The following NDRG2 variants were observed in gnomAD, a reference collection of about 807,000 sequenced individuals.
NDRG2 encodes protein NDRG2.
In NDRG2, 34 loss-of-function variants were observed where a neutral mutation model predicts 58.2. That is an observed-to-expected ratio of 0.58 (90% CI 0.44 to 0.78). NDRG2 has a LOEUF of 0.78. Ranked by LOEUF, NDRG2 falls within the 30% of genes least tolerant of loss-of-function variation. The probability of loss-of-function intolerance (pLI) is 0.00; values close to 1 mark genes in which losing one functional copy is unlikely to be tolerated. For synonymous variants in NDRG2, 187 were observed against 175.9 expected (o/e 1.06, Z -0.50); for missense variants, 434 against 471.2 (o/e 0.92, Z 0.73).
At chr14:21,058,072 C>T (rs1885761637) in intron 1 of NDRG2, 1 of 1,614,160 alleles carries the variant, frequency 6.2e-7, no homozygotes, top group African/African-American at 1.3e-5. Flanking sequence ...TCAATAAGTA[C>T]ACAGAACGGT....
chr14:21,064,130 T>C (rs2139165655), intron 1 of NDRG2, among the ~76,000 whole-genome samples: 1 of 152,302 alleles, frequency 6.6e-6, no homozygotes, highest in South Asian at 2.1e-4. Flanking sequence ...TTTGACCCAA[T>C]AATTCCATTT....
chr14:21,041,920 A>G (rs543243191), intron 1 of NDRG2, among the ~76,000 whole-genome samples: 193 of 152,288 alleles, frequency 1.3e-3, no homozygotes, highest in Middle Eastern at 6.8e-3. Flanking sequence ...GTATCTCCAG[A>G]TGACAAGGAA....
intron 1 of NDRG2, chr14:21,034,387 A>G (rs1884476102): frequency 2.4e-6 from 2 of 833,378 alleles, no homozygotes; most frequent in South Asian, 3.4e-5. Context: ...ACCCAACAGT[A>G]CTTTAGAGAT....
intron 1 of NDRG2, among the ~76,000 whole-genome samples, chr14:21,040,723 T>C (rs1884850140): frequency 6.6e-6 from 1 of 152,214 alleles, no homozygotes; most frequent in Non-Finnish European, 1.5e-5. Flanking sequence ...TCTGGGGCTT[T>C]TGCAGTGCTA....
intron 1 of NDRG2, among the ~76,000 whole-genome samples, chr14:21,047,263 T>C (rs1885223308): frequency 6.6e-6 from 1 of 152,190 alleles, no homozygotes; most frequent in Non-Finnish European, 1.5e-5. Flanking sequence ...TTCAATATAA[T>C]AATTTTTTTT....
chr14:21,043,709 C>T, intron 1 of NDRG2: 1 of 477,790 alleles, frequency 2.1e-6, no homozygotes, highest in Non-Finnish European at 3.8e-6. Flanking sequence ...CTGTGGGTTC[C>T]CTGGTCTATG....
chr14:21,060,005 T>TGCACCTGTGTGCACAACAC, intron 1 of NDRG2, among the ~76,000 whole-genome samples: 1 of 152,154 alleles, frequency 6.6e-6, no homozygotes, highest in Non-Finnish European at 1.5e-5. Context: ...AGTCACAACG[T>TGCACCTGTGTGCACAACAC]GCACCTGTGT....
intron 1 of NDRG2, chr14:21,032,846 T>C (rs1019424735): frequency 4.7e-6 from 2 of 423,036 alleles, no homozygotes; most frequent in African/African-American, 2.1e-5. Context: ...TATTTTGAAT[T>C]GATTATGGGT....
intron 1 of NDRG2, among the ~76,000 whole-genome samples, chr14:21,048,089 C>T (rs1885283385): frequency 6.6e-6 from 1 of 152,030 alleles, no homozygotes; most frequent in Non-Finnish European, 1.5e-5. Context: ...CTTCTCTTCT[C>T]CTTGGGAGAG....
chr14:21,021,590 T>C (rs948649187), intron 6 of NDRG2: 57 of 566,262 alleles, frequency 1.0e-4, no homozygotes, highest in Non-Finnish European at 1.4e-4. Context: ...GGGCCAAGCA[T>C]AGACCCTTTT....
intron 1 of NDRG2, among the ~76,000 whole-genome samples, chr14:21,049,173 T>C (rs1885349519): frequency 6.6e-6 from 1 of 152,218 alleles, no homozygotes; most frequent in African/African-American, 2.4e-5. Flanking sequence ...GACAGGGCTC[T>C]AGTGACATTT....
Position 21,016,840 on chromosome 14 carries a change from C to T in NDRG2, c.*756G>A. Reference sequence around the variant, plus strand: ...GACGGGAGGGCACCCTCCACACATACTACAGTGTGGTCAGAGCCCCAGGGT... The same window carrying T: ...GACGGGAGGGCACCCTCCACACATATTACAGTGTGGTCAGAGCCCCAGGGT... On this transcript the variant is annotated 3_prime_UTR_variant, in exon 16 of 16. Coordinates refer to ENST00000556147, the MANE Select transcript of NDRG2 (RefSeq NM_001320329.2). The T allele has an allele frequency of 2.2e-6, 1 of 456,414 alleles. No individual in the cohort carries two copies. The highest frequency in any genetic ancestry group is 4.4e-6 in the Non-Finnish European group (1 of 226,758). 28.3% of individuals were successfully genotyped at this position (456,414 alleles called of 1,614,324 possible).
intron 1 of NDRG2, among the ~76,000 whole-genome samples, chr14:21,044,879 CAG>C (rs1463763620): frequency 6.6e-6 from 1 of 152,190 alleles, no homozygotes; most frequent in Non-Finnish European, 1.5e-5. Flanking sequence ...TACTACTGAC[CAG>C]AGTCAGAGTA....
intron 1 of NDRG2, among the ~76,000 whole-genome samples, chr14:21,069,908 C>A (rs8019890): frequency 0.45 from 68,195 of 152,092 alleles, 16,048 homozygotes; most frequent in Non-Finnish European, 0.53. Context: ...TGGGAAGGGG[C>A]GGCCCAAGGG....
intron 1 of NDRG2, chr14:21,023,650 G>A (rs1169989961): frequency 2.4e-5 from 7 of 287,012 alleles, no homozygotes; most frequent in East Asian, 1.3e-4. Context: ...CAGATTTCTC[G>A]GGCTATATTT....
In NDRG2 at chr14:21,018,848, C is replaced by A. The variant is rs143425044; in HGVS notation, c.762-34G>T. The A allele has an allele frequency of 2.4e-5, 39 of 1,613,338 alleles. No homozygotes were observed. The African/African-American group carries it at 4.9e-4, about 20-fold the overall frequency. ...ACAGTGTTGGGGAGAAGGCAGTGAG[C>A]CCCTGGCACTCCCTCACTGGCCTCT... On this transcript the variant is annotated intron_variant, in intron 11 of 15. Transcript: ENST00000556147.
chr14:21,070,789 C>A lies in NDRG2; in HGVS notation c.24+39G>T. The A allele has an allele frequency of 6.5e-7, 1 of 1,534,566 alleles. No homozygotes were observed. ...CCCTGCGGGTTGGTCCTGCAGCGAC[C>A]CTGGAAGAGGCCCGGCCCCTCGGGT... On this transcript the variant is annotated intron_variant, in intron 1 of 14. Coordinates refer to the NDRG2 transcript ENST00000403829. The surrounding 1 kb of genome is among the most constrained non-coding windows in gnomAD (Gnocchi z 4.7).
chr14:21,022,539 C>T (rs760655272), intron 3 of NDRG2, 42 bp from the exon 4 acceptor site: 11 of 1,485,838 alleles, frequency 7.4e-6, no homozygotes, highest in Admixed American at 3.4e-5. Context: ...TCAGAGGAGA[C>T]GAGGCCAGAA....
Position 21,070,385 on chromosome 14 carries a change from C to T in NDRG2, c.24+443G>A, listed in dbSNP as rs186973954. ...GCCCGACCAAGCGTCGGACGCGGCC[C>T]GGCGCCGAGCCATGGTGAGTCCAGC... On this transcript the variant is annotated intron_variant, in intron 1 of 14. Coordinates refer to the NDRG2 transcript ENST00000403829. The surrounding 1 kb of genome is among the most constrained non-coding windows in gnomAD (Gnocchi z 4.7). 2.8e-6 allele frequency: 4 copies of T among 1,410,752 alleles called. No homozygotes were observed. Among genetic ancestry groups the T allele is most frequent in the South Asian group, 3.0e-5 (2 of 65,632 alleles). 87.4% of individuals were successfully genotyped at this position (1,410,752 alleles called of 1,614,324 possible).
Sources: allele counts gnomAD v4.1 joint callset (sites outside exome capture counted in the v4.1 genomes callset), GRCh38; gene constraint gnomAD v4.1.1; non-coding constraint Gnocchi (gnomAD v3.1); transcripts MANE v1.5; gene names NCBI Gene and HGNC (gene_info 2026-07-23, HGNC 2026-07-21).